Variants in DENND5A observed in about 807,000 individuals in gnomAD.
The protein encoded by DENND5A is DENN domain-containing protein 5A.
A neutral mutation model predicts 140.3 loss-of-function variants in DENND5A; 64 were observed. That is an observed-to-expected ratio of 0.46 (90% CI 0.37 to 0.56). DENND5A has a LOEUF of 0.56. DENND5A is among the 20% of genes least tolerant of loss of function. DENND5A has a pLI of 0.00. For synonymous variants in DENND5A, 605 were observed against 607.7 expected, an observed-to-expected ratio of 1.00 and a Z score of 0.07; for missense variants, 1,292 against 1,593.8, an observed-to-expected ratio of 0.81 and a Z score of 3.22.
In DENND5A at chr11:9,204,242, T is replaced by C. The variant is rs1849619989; in HGVS notation, c.367A>G (p.Thr123Ala). ...AATGTCCGAGAGCCATCCTCCCTTG[T>C]GATAATAAAGGCATGGAATTGGGGC... ...REPQFHAFII[T>A]REDGSRTFGF... Residue 123 changes from threonine to alanine, a missense_variant, in exon 4 of 23, where the codon ACA becomes GCA. Coordinates refer to ENST00000328194, the MANE Select transcript of DENND5A (RefSeq NM_015213.4). 6.2e-7 allele frequency: 1 copy of C among 1,614,038 alleles called. No individual in the cohort carries two copies. Among genetic ancestry groups the C allele is most frequent in the Non-Finnish European group, 8.5e-7 (1 of 1,180,008 alleles).
chr11:9,248,643 G>T (rs1259960234), intron 1 of DENND5A, among the ~76,000 whole-genome samples: 1 of 151,480 alleles, frequency 6.6e-6, no homozygotes, highest in Non-Finnish European at 1.5e-5. Flanking sequence ...AAAAGAGAGG[G>T]GTATAATGAG....
In DENND5A at chr11:9,170,633, C is replaced by G; in HGVS notation, c.2051G>C (p.Ser684Thr). 6.2e-7 allele frequency: 1 copy of G among 1,613,862 alleles called. No homozygotes were observed. Reference sequence around the variant, plus strand: ...ATCCCTGGGGTTGACTCACTTGTTGCTGGCTGGCCCAGTGGAAAGTACATC... The same window carrying G: ...ATCCCTGGGGTTGACTCACTTGTTGGTGGCTGGCCCAGTGGAAAGTACATC... ...QSDVLSTGPA[S>T]NKWTKRNAPA... The change falls in exon 9 of 23, where the codon AGC (serine) becomes ACC (threonine). Residue 684 changes from serine to threonine, a missense_variant. This residue lies in a region of DENND5A where 199 missense variants were observed against 189.1 expected (regional missense o/e 1.05). Coordinates refer to ENST00000328194, the MANE Select transcript of DENND5A (RefSeq NM_015213.4).
At chr11:9,145,218 G>A (rs1847386984) in intron 17 of DENND5A, 105 bp from the exon 18 acceptor site, 2 of 801,202 alleles carry the variant, frequency 2.5e-6, no homozygotes, top group South Asian at 3.0e-5. Flanking sequence ...TGACCCCTCA[G>A]CATCTGCAGG....
intron 22 of DENND5A, among the ~76,000 whole-genome samples, chr11:9,141,353 C>T (rs935670359): frequency 2.6e-5 from 4 of 152,216 alleles, no homozygotes; most frequent in African/African-American, 4.8e-5. Context: ...GATCACCACA[C>T]ACATAAGTCA....
intron 5 of DENND5A, among the ~76,000 whole-genome samples, chr11:9,192,873 T>C (rs1295425732): frequency 1.3e-5 from 2 of 152,202 alleles, no homozygotes; most frequent in African/African-American, 4.8e-5. Flanking sequence ...AAAATCTTAT[T>C]TCTAATCATG....
intron 1 of DENND5A, among the ~76,000 whole-genome samples, chr11:9,249,226 T>C (rs1590336571): frequency 6.7e-6 from 1 of 149,980 alleles, no homozygotes; most frequent in East Asian, 1.9e-4. Context: ...AGACTCCGAC[T>C]CAAAAAAAAA....
chr11:9,196,201 C>A (rs922326282), intron 4 of DENND5A, among the ~76,000 whole-genome samples: 1 of 152,178 alleles, frequency 6.6e-6, no homozygotes, highest in Non-Finnish European at 1.5e-5. Flanking sequence ...GATCCACCCA[C>A]CTCGGCCTCC....
chr11:9,235,229 GTGTCCATCA>G (rs1215630612), intron 1 of DENND5A, among the ~76,000 whole-genome samples: 1 of 152,088 alleles, frequency 6.6e-6, no homozygotes, highest in Non-Finnish European at 1.5e-5. Flanking sequence ...AACAACCCCA[GTGTCCATCA>G]ACAGATGAAG....
At chr11:9,142,988 C>T in intron 20 of DENND5A, 143 bp from the exon 21 acceptor site, 4 of 1,044,334 alleles carry the variant, frequency 3.8e-6, no homozygotes, top group Non-Finnish European at 4.1e-6. Context: ...ACACCTGGCA[C>T]AGTGCCTGGC....
chr11:9,145,949 C>T (rs1025328262), intron 16 of DENND5A, 134 bp from the exon 17 acceptor site: 28 of 935,658 alleles, frequency 3.0e-5, no homozygotes, highest in Non-Finnish European at 4.6e-5. Flanking sequence ...AGCCCTGGAA[C>T]AAGAGGGCCC....
intron 12 of DENND5A, among the ~76,000 whole-genome samples, chr11:9,153,189 C>T (rs534848024): frequency 1.5e-4 from 23 of 150,290 alleles, no homozygotes; most frequent in Admixed American, 7.3e-4. Flanking sequence ...TGGTGGCACA[C>T]GCCTGCTGTC....
intron 1 of DENND5A, among the ~76,000 whole-genome samples, chr11:9,261,140 T>A (rs887504237): frequency 3.3e-5 from 5 of 152,178 alleles, no homozygotes; most frequent in Admixed American, 2.6e-4. Flanking sequence ...TGTGAGCTAC[T>A]GCGCCCAGCC....
At chr11:9,159,939 A>G (rs1357513805) in intron 12 of DENND5A, among the ~76,000 whole-genome samples, 1 of 152,236 alleles carries the variant, frequency 6.6e-6, no homozygotes, top group East Asian at 1.9e-4. Flanking sequence ...GAATGCTCTG[A>G]AGAACATGTG....
At chr11:9,153,108 G>C (rs1847682813) in intron 12 of DENND5A, among the ~76,000 whole-genome samples, 1 of 151,784 alleles carries the variant, frequency 6.6e-6, no homozygotes, top group African/African-American at 2.4e-5. Flanking sequence ...GATCACTTGA[G>C]GTCAGAAGTT....
Position 9,139,685 on chromosome 11 carries a change from C to T in DENND5A, c.3850G>A (p.Gly1284Ser). 1 of 1,613,524 alleles carries T rather than the reference C, an allele frequency of 6.2e-7. No homozygotes were observed. Among genetic ancestry groups the T allele is most frequent in the South Asian group, 1.1e-5 (1 of 90,934 alleles). ...NITLETSLVK[G>S]IDI The stretch of plus-strand genomic sequence containing the variant: ...GTGCTGGGAGGTCAGATGTCGATGC[C>T]CTTGACAAGGGACGTCTCCAGCGTG... Residue 1284 changes from glycine to serine, a missense_variant, in exon 23 of 23, where the codon GGC becomes AGC. Around this residue, in one of 4 missense-constraint regions of DENND5A, gnomAD observed 498 missense variants for 689.7 expected, o/e 0.72. Coordinates refer to ENST00000328194, the MANE Select transcript of DENND5A (RefSeq NM_015213.4).
chr11:9,256,255 T>C (rs1425533735), intron 1 of DENND5A, among the ~76,000 whole-genome samples: 1 of 150,842 alleles, frequency 6.6e-6, no homozygotes, highest in East Asian at 2.0e-4. Context: ...AAGTCAGGAG[T>C]TCAAGACCAG....
At chr11:9,263,899 A>G (rs1852327627) in intron 1 of DENND5A, among the ~76,000 whole-genome samples, 1 of 152,010 alleles carries the variant, frequency 6.6e-6, no homozygotes, top group African/African-American at 2.4e-5. Flanking sequence ...CTGGTGCCCA[A>G]AAACAAAACT....
chr11:9,212,632 GA>G (rs60907416), intron 1 of DENND5A, among the ~76,000 whole-genome samples: 6,827 of 148,196 alleles, frequency 0.046, 488 homozygotes, highest in African/African-American at 0.16. Flanking sequence ...CACAAGTACT[GA>G]AAAAAAAACA....
In DENND5A at chr11:9,174,067, C is replaced by T. The variant is rs1438161333; in HGVS notation, c.1907-3290G>A. On this transcript the variant is annotated intron_variant, in intron 8 of 22. Coordinates refer to ENST00000328194, the MANE Select transcript of DENND5A (RefSeq NM_015213.4). ...GCAGTGAGCCTAGATCTCGCCACTG[C>T]ACTCCAGCCTGGGCGATAGAGCAAG... Among the ~76,000 whole-genome samples the T allele has an allele frequency of 3.1e-5, 4 of 128,852 alleles. No individual in the cohort carries two copies. In the East Asian group the frequency reaches 7.0e-4, roughly 22 times the overall value. 84.5% of individuals were successfully genotyped at this position (128,852 alleles called of 152,430 possible). A position where few individuals can be genotyped will look rare whatever the true frequency, so the allele number is the denominator to read the frequency against.
Sources: gnomAD v4.1 joint callset for allele counts (sites outside exome capture counted in the v4.1 genomes callset) on GRCh38, gnomAD v4.1.1 for gene constraint, gnomAD v4.1.1 regional missense constraint, MANE v1.5 for transcripts, NCBI Gene and HGNC (gene_info 2026-07-23, HGNC 2026-07-21) for gene names.